The following KMT2C variants were observed in gnomAD, a reference collection of about 807,000 sequenced individuals.
The protein encoded by KMT2C is histone-lysine N-methyltransferase 2C.
In KMT2C, 88 loss-of-function variants were observed where a neutral mutation model predicts 507.9. The observed-to-expected ratio is 0.17, with a 90% CI of 0.15 to 0.21. The LOEUF (loss-of-function observed/expected upper bound fraction) is 0.21, where lower values mean the gene tolerates loss of function less well. KMT2C is among the 10% of genes least tolerant of loss of function. The probability of loss-of-function intolerance (pLI) is 1.00; values close to 1 mark genes in which losing one functional copy is unlikely to be tolerated. For synonymous variants in KMT2C, 2,049 were observed against 2,080.8 expected (o/e 0.98, Z 0.42); for missense variants, 4,954 against 5,957.8 (o/e 0.83, Z 5.55).
chr7:152,302,914 G>C (rs1305568746), intron 6 of KMT2C, among the ~76,000 whole-genome samples: 1 of 152,134 alleles, frequency 6.6e-6, no homozygotes, highest in Non-Finnish European at 1.5e-5. Flanking sequence ...AAAGTGCTGG[G>C]ATTACAGGCA....
chr7:152,244,838 C>T (rs2095443518), intron 14 of KMT2C, among the ~76,000 whole-genome samples: 1 of 152,166 alleles, frequency 6.6e-6, no homozygotes, highest in Non-Finnish European at 1.5e-5. Context: ...ATATTTGAAA[C>T]ATGTCATAAA....
chr7:152,236,316 G>T (rs2095273298), intron 15 of KMT2C, among the ~76,000 whole-genome samples: 2 of 152,142 alleles, frequency 1.3e-5, no homozygotes, highest in African/African-American at 4.8e-5. Context: ...TCATTAACTG[G>T]TCTCGCGGTG....
chr7:152,417,067 AAG>A (rs1266077411), intron 1 of KMT2C, among the ~76,000 whole-genome samples: 21 of 150,250 alleles, frequency 1.4e-4, no homozygotes, highest in African/African-American at 4.2e-4. Flanking sequence ...AAAAAAAAAA[AAG>A]AGTTTATATT....
chr7:152,271,806 G>A (rs1447575760), intron 7 of KMT2C, among the ~76,000 whole-genome samples: 1 of 151,886 alleles, frequency 6.6e-6, no homozygotes, highest in Non-Finnish European at 1.5e-5. Context: ...CTACTGCAAG[G>A]TGGCTACTTT....
intron 6 of KMT2C, among the ~76,000 whole-genome samples, chr7:152,294,072 C>T (rs1380728383): frequency 6.7e-6 from 1 of 149,186 alleles, no homozygotes; most frequent in Non-Finnish European, 1.5e-5. Context: ...GGTCTTGTCA[C>T]ATTGCCCAGG....
chr7:152,174,219 T>C lies in KMT2C; in HGVS notation c.9286A>G (p.Ile3096Val). 6.3e-7 allele frequency: 1 copy of C among 1,592,700 alleles called. No homozygotes were observed. Among genetic ancestry groups the C allele is most frequent in the Non-Finnish European group, 8.6e-7 (1 of 1,163,648 alleles). ...AGGGCCACCATTTTGGCTTTCATTA[T>C]AGGATCTGTAATTGCATCAAAATCT... ...NIDFDAITDP[I>V]MKAKMVALKG... Residue 3096 changes from isoleucine (I) to valine (V), a missense_variant, in exon 39 of 59, where the codon ATA (isoleucine) becomes GTA (valine). This residue lies in a region of KMT2C where 1,689 missense variants were observed against 1,654.3 expected (regional missense o/e 1.02). Transcript: ENST00000262189.
intron 1 of KMT2C, among the ~76,000 whole-genome samples, chr7:152,372,210 C>A (rs147884576): frequency 6.6e-6 from 1 of 152,154 alleles, no homozygotes; most frequent in Non-Finnish European, 1.5e-5. Context: ...GACTGGACTG[C>A]GATGGTGTGA....
At chr7:152,154,244 A>G in intron 47 of KMT2C, 23 bp downstream of exon 47, 1 of 1,613,458 alleles carries the variant, frequency 6.2e-7, no homozygotes. Context: ...AAGGGAAATA[A>G]TAAGGTTAAG....
At chr7:152,250,228 G>A (rs907377549) in intron 12 of KMT2C, among the ~76,000 whole-genome samples, 2 of 151,960 alleles carry the variant, frequency 1.3e-5, no homozygotes, top group African/African-American at 4.8e-5. Flanking sequence ...GTTATTATAC[G>A]TAAACTTAAT....
rs546317242 is a variant in KMT2C, at chr7:152,146,118, G to A, written c.14031+481C>T. ...GTTAGACTCACTGACAAACAGGCTT[G>A]TAATCTTTTAAGCAAAGAAATGTCA... On this transcript the variant is annotated intron_variant, in intron 53 of 58. Coordinates refer to ENST00000262189, the MANE Select transcript of KMT2C (RefSeq NM_170606.3). 2.0e-5 allele frequency among the ~76,000 whole-genome samples: 3 copies of A among 152,316 alleles called. No individual in the cohort carries two copies. The South Asian group carries it at 6.2e-4, about 32-fold the overall frequency.
At chr7:152,188,730 C>G (rs1018318444) in intron 31 of KMT2C, among the ~76,000 whole-genome samples, 1 of 151,526 alleles carries the variant, frequency 6.6e-6, no homozygotes, top group Non-Finnish European at 1.5e-5. Flanking sequence ...CTGCCTCAGC[C>G]TCCTGAGTAG....
intron 6 of KMT2C, among the ~76,000 whole-genome samples, chr7:152,300,569 ACT>A (rs1368417170): frequency 1.3e-5 from 2 of 152,132 alleles, no homozygotes; most frequent in Non-Finnish European, 2.9e-5. Flanking sequence ...ATTTTTCCAG[ACT>A]CTGTCAGTGT....
Position 152,255,022 on chromosome 7 carries a change from C to T in KMT2C, c.1300-2307G>A, listed in dbSNP as rs2095621656. On this transcript the variant is annotated intron_variant, in intron 9 of 58. Coordinates refer to ENST00000262189, the MANE Select transcript of KMT2C (RefSeq NM_170606.3). ...AAAATTATAAAACACTCCTAAAAGA[C>T]ACAAAACTAGACTTTAACAAACTTG... Among the ~76,000 whole-genome samples, 15 of 148,934 alleles carry T rather than the reference C, an allele frequency of 1.0e-4. No individual in the cohort carries two copies. The South Asian group carries it at 3.0e-3, about 30-fold the overall frequency.
At chr7:152,347,129 A>G (rs760819679) in intron 2 of KMT2C, among the ~76,000 whole-genome samples, 1 of 152,182 alleles carries the variant, frequency 6.6e-6, no homozygotes, top group Non-Finnish European at 1.5e-5. Flanking sequence ...AGGAAAGAAA[A>G]GAAAAGAAAA....
intron 38 of KMT2C, among the ~76,000 whole-genome samples, chr7:152,175,281 G>A (rs973038771): frequency 6.6e-6 from 1 of 151,820 alleles, no homozygotes; most frequent in African/African-American, 2.4e-5. Flanking sequence ...GAATAACTGG[G>A]ACTACAGGCG....
intron 1 of KMT2C, among the ~76,000 whole-genome samples, chr7:152,429,359 AGT>A (rs2097847673): frequency 6.6e-6 from 1 of 152,220 alleles, no homozygotes; most frequent in Non-Finnish European, 1.5e-5. Flanking sequence ...GCAGAAACAA[AGT>A]GAAACAATTT....
chr7:152,428,855 C>T (rs2097844704), intron 1 of KMT2C, among the ~76,000 whole-genome samples: 1 of 152,144 alleles, frequency 6.6e-6, no homozygotes, highest in South Asian at 2.1e-4. Context: ...AAGCAGCCTA[C>T]TGTTCATTTA....
intron 16 of KMT2C, among the ~76,000 whole-genome samples, chr7:152,235,183 G>C (rs2095240748): frequency 6.7e-6 from 1 of 148,766 alleles, no homozygotes; most frequent in Admixed American, 6.6e-5. Flanking sequence ...TCACTATCAT[G>C]ATTGTGGTAT....
At chr7:152,264,973 T>C (rs760627997) in intron 8 of KMT2C, 65 bp downstream of exon 8, 58 of 1,566,740 alleles carry the variant, frequency 3.7e-5, no homozygotes, top group Non-Finnish European at 5.0e-5. Flanking sequence ...CACAAACCTT[T>C]AGCACCTAGT....
Sources: gnomAD v4.1 joint callset for allele counts (sites outside exome capture counted in the v4.1 genomes callset) on GRCh38, gnomAD v4.1.1 for gene constraint, gnomAD v4.1.1 regional missense constraint, MANE v1.5 for transcripts, NCBI Gene and HGNC (gene_info 2026-07-23, HGNC 2026-07-21) for gene names.